SGMS1: variants seen among roughly 807,000 people sequenced by gnomAD.
SGMS1 encodes phosphatidylcholine:ceramide cholinephosphotransferase 1.
In SGMS1, 13 loss-of-function variants were observed where a neutral mutation model predicts 46.2. The ratio of observed to expected loss-of-function variants is 0.28; its 90% CI spans 0.18 to 0.45. The LOEUF is 0.45. Among genes scored for constraint, SGMS1 ranks in the 20% least tolerant of loss-of-function variants. The pLI is 1.00. For synonymous variants in SGMS1, 203 were observed against 187.8 expected, an observed-to-expected ratio of 1.08 and a Z score of -0.66; for missense variants, 324 against 519.9, an observed-to-expected ratio of 0.62 and a Z score of 3.66.
At chr10:50,593,190 C>T (rs1026332589) in intron 1 of SGMS1, among the ~76,000 whole-genome samples, 2 of 152,248 alleles carry the variant, frequency 1.3e-5, no homozygotes, top group South Asian at 2.1e-4. Context: ...CTCCTGGCAA[C>T]AGCTATGTGA....
chr10:50,590,526 T>C (rs1230316616), intron 1 of SGMS1: 3 of 152,168 alleles, frequency 2.0e-5, no homozygotes, highest in Non-Finnish European at 4.4e-5. Flanking sequence ...TGAAGTATGA[T>C]TGACAAATAA....
intron 1 of SGMS1, among the ~76,000 whole-genome samples, chr10:50,599,775 A>G (rs1220497402): frequency 1.3e-5 from 2 of 152,196 alleles, no homozygotes; most frequent in African/African-American, 4.8e-5. Flanking sequence ...AGGCAAGAGA[A>G]TTGCTTGAAC....
At chr10:50,504,870 A>G (rs946512168) in intron 3 of SGMS1, among the ~76,000 whole-genome samples, 4 of 152,124 alleles carry the variant, frequency 2.6e-5, no homozygotes, top group Non-Finnish European at 5.9e-5. Context: ...CCTTTTGATG[A>G]AGTTTTGATC....
intron 6 of SGMS1, among the ~76,000 whole-genome samples, chr10:50,345,365 C>G (rs1847899224): frequency 6.6e-6 from 1 of 152,082 alleles, no homozygotes; most frequent in Non-Finnish European, 1.5e-5. Context: ...CTAGAAATGT[C>G]AAGAAACTTG....
At chr10:50,416,059 T>C (rs1050842802) in intron 6 of SGMS1, among the ~76,000 whole-genome samples, 1 of 152,212 alleles carries the variant, frequency 6.6e-6, no homozygotes, top group African/African-American at 2.4e-5. Context: ...TCAGTTAATA[T>C]TTGAAAGCCG....
chr10:50,545,586 C>T (rs1838094234), intron 2 of SGMS1, among the ~76,000 whole-genome samples: 1 of 152,168 alleles, frequency 6.6e-6, no homozygotes, highest in Admixed American at 6.5e-5. Context: ...CAGGAACCCA[C>T]CACCTCGCCT....
At chr10:50,418,432 G>A (rs2133590682) in intron 6 of SGMS1, 1 of 152,604 alleles carries the variant, frequency 6.6e-6, no homozygotes, top group Middle Eastern at 3.4e-3. Context: ...GGCAGCAGAG[G>A]GTTTTTGGAA....
intron 6 of SGMS1, among the ~76,000 whole-genome samples, chr10:50,433,262 C>T (rs1481059726): frequency 1.3e-5 from 2 of 152,142 alleles, no homozygotes; most frequent in South Asian, 2.1e-4. Context: ...ACACACTCAA[C>T]TTAAAATGAC....
upstream of SGMS1, chr10:50,624,997 G>C: frequency 9.8e-7 from 1 of 1,023,498 alleles, no homozygotes; most frequent in South Asian, 2.9e-5. Context: ...ACCGACCTGG[G>C]AGCTGGCGGG....
intron 6 of SGMS1, among the ~76,000 whole-genome samples, chr10:50,430,168 C>T (rs1411080317): frequency 1.3e-5 from 2 of 152,064 alleles, no homozygotes; most frequent in East Asian, 3.9e-4. Context: ...AAGGTCTCAT[C>T]CAGATAACTG....
chr10:50,506,888 C>A (rs559333645), intron 3 of SGMS1, among the ~76,000 whole-genome samples: 2 of 152,264 alleles, frequency 1.3e-5, no homozygotes, highest in Non-Finnish European at 2.9e-5. Flanking sequence ...TGCAGCCACA[C>A]CATGATCCAA....
intron 6 of SGMS1, among the ~76,000 whole-genome samples, chr10:50,387,473 C>T (rs78693134): frequency 0.015 from 2,286 of 152,192 alleles, 60 homozygotes; most frequent in African/African-American, 0.052. Flanking sequence ...CCCTCTTTAT[C>T]GAAAAGGCAA....
chr10:50,331,878 A>G (rs1364178986), intron 7 of SGMS1, among the ~76,000 whole-genome samples: 1 of 152,190 alleles, frequency 6.6e-6, no homozygotes, highest in African/African-American at 2.4e-5. Flanking sequence ...TGAACCAGGA[A>G]CTTGGCCCTC....
At chr10:50,622,972 G>A (rs926255667) in intron 1 of SGMS1, among the ~76,000 whole-genome samples, 2 of 152,214 alleles carry the variant, frequency 1.3e-5, no homozygotes, top group South Asian at 4.1e-4. Context: ...GCGTCCTGGA[G>A]AGACTGTCCA....
chr10:50,504,600 T>C (rs1279502340), intron 3 of SGMS1, among the ~76,000 whole-genome samples: 1 of 152,036 alleles, frequency 6.6e-6, no homozygotes, highest in Non-Finnish European at 1.5e-5. Flanking sequence ...GATGGGGTAA[T>C]AGGGAGGGAG....
chr10:50,372,797 A>C (rs1045331190), intron 6 of SGMS1, among the ~76,000 whole-genome samples: 2 of 152,214 alleles, frequency 1.3e-5, no homozygotes, highest in African/African-American at 4.8e-5. Context: ...GAGGAGAAAA[A>C]ATCAGTGAGC....
At position 50,481,754 on chromosome 10, in the gene SGMS1, A is replaced by C. The variant is rs755222765; in HGVS notation, c.-497-14822T>G. ...GAGCTAAAAGAGTATGTTCTAACCC[A>C]ATGCAAAAAGGCTAAGAACAATGAT... On this transcript the variant is annotated intron_variant, in intron 3 of 10. Transcript: ENST00000361781. Among the ~76,000 whole-genome samples, 78 of 152,212 alleles carry C rather than the reference A, an allele frequency of 5.1e-4. 1 individual carries two copies. Among genetic ancestry groups the C allele is most frequent in the Non-Finnish European group, 2.5e-4 (17 of 68,038 alleles).
At chr10:50,356,407 A>C (rs1188936600) in intron 6 of SGMS1, among the ~76,000 whole-genome samples, 1 of 152,188 alleles carries the variant, frequency 6.6e-6, no homozygotes, top group Non-Finnish European at 1.5e-5. Flanking sequence ...GTACCCAGGG[A>C]CACAAACACT....
chr10:50,415,453 G>T (rs946749788), intron 6 of SGMS1, among the ~76,000 whole-genome samples: 11 of 152,122 alleles, frequency 7.2e-5, no homozygotes, highest in African/African-American at 2.4e-4. Flanking sequence ...CTCCCAAGTG[G>T]TTTTATCATC....
Sources: gnomAD v4.1 joint callset for allele counts (sites outside exome capture counted in the v4.1 genomes callset) on GRCh38, gnomAD v4.1.1 for gene constraint, MANE v1.5 for transcripts, NCBI Gene and HGNC (gene_info 2026-07-23, HGNC 2026-07-21) for gene names.